RIC1: variants seen among roughly 807,000 people sequenced by gnomAD.
The protein encoded by RIC1 is RIC1 partner of RAB6A GEF complex.
In RIC1, 88 loss-of-function variants were observed where a neutral mutation model predicts 169.0. The ratio of observed to expected loss-of-function variants is 0.52; its 90% CI spans 0.44 to 0.62. The LOEUF is 0.62. Ranked by LOEUF, RIC1 falls within the 20% of genes least tolerant of loss-of-function variation. The pLI, the probability that RIC1 is intolerant of heterozygous loss-of-function variation, is 0.00. For synonymous variants in RIC1, 790 were observed against 601.5 expected (o/e 1.31, Z -4.59); for missense variants, 1,877 against 1,725.5 (o/e 1.09, Z -1.56).
At chr9:5,753,116 T>G (rs1331188562) in intron 12 of RIC1, 84 bp from the exon 13 acceptor site, 1 of 1,234,308 alleles carries the variant, frequency 8.1e-7, no homozygotes, top group African/African-American at 1.5e-5. Flanking sequence ...TTCGGCAAGA[T>G]GAATCTCATA....
chr9:5,700,544 C>T (rs1822149967), intron 3 of RIC1, among the ~76,000 whole-genome samples: 1 of 151,736 alleles, frequency 6.6e-6, no homozygotes, highest in Non-Finnish European at 1.5e-5. Context: ...GGGAATCTTA[C>T]AAATTAAATT....
In RIC1 at chr9:5,765,439, G is replaced by T; in HGVS notation, c.2867G>T (p.Arg956Met). ...AATATGGAAGTCCCTGCAGTAAGTA[G>T]GCAACATGCTACCCTTCTATTCAAC... ...LQNMEVPAVS[R>M]QHATLLFNTA... Residue 956 changes from arginine to methionine, a missense_variant, in exon 20 of 26, where the codon AGG (arginine) becomes ATG (methionine). Physicochemically the swap from Arg to Met is moderately conservative, Grantham distance 91. Transcript: ENST00000414202. 6.2e-7 allele frequency: 1 copy of T among 1,613,928 alleles called. No homozygotes were observed. Among genetic ancestry groups the T allele is most frequent in the Non-Finnish European group, 8.5e-7 (1 of 1,179,926 alleles).
At chr9:5,732,521 A>T (rs1824431989) in intron 7 of RIC1, 42 bp downstream of exon 7, 1 of 1,338,614 alleles carries the variant, frequency 7.5e-7, no homozygotes, top group African/African-American at 1.5e-5. Context: ...GAGTTGTTGC[A>T]AAAAATACTG....
chr9:5,702,412 C>T (rs540988117), intron 3 of RIC1, among the ~76,000 whole-genome samples: 1 of 152,304 alleles, frequency 6.6e-6, no homozygotes, highest in African/African-American at 2.4e-5. Context: ...AGGAAACTTA[C>T]AGTCATGACA....
Position 5,770,100 on chromosome 9 carries a change from G to A in RIC1, c.3438G>A (p.Leu1146=), listed in dbSNP as rs1315210076. 1 of 1,612,588 alleles carries A rather than the reference G, an allele frequency of 6.2e-7. No individual in the cohort carries two copies. The highest frequency in any genetic ancestry group is 1.3e-5 in the African/African-American group (1 of 74,998). Residue 1146 remains leucine, a synonymous_variant, in exon 23 of 26, where the codon CTG becomes CTA. Transcript: ENST00000414202. ...CCCACTCTGCAGTGGGAGAGCAGCT[G>A]TTAAAGTCTCAATCAGCTGACCCAT... The part of the protein sequence containing the change: ...NGKYRTVGEQ[L]LKSQSADPFL...
At chr9:5,754,043 T>TG (rs1403650053) in intron 14 of RIC1, among the ~76,000 whole-genome samples, 5 of 152,206 alleles carry the variant, frequency 3.3e-5, no homozygotes, top group African/African-American at 1.2e-4. Flanking sequence ...TGTGTATGTG[T>TG]GTGTACATAT....
At position 5,647,986 on chromosome 9, in the gene RIC1, G is replaced by GTGTGA. The variant is rs1345141731; in HGVS notation, c.145-8595_145-8594insTGATG. On this transcript the variant is annotated intron_variant, in intron 1 of 25. Coordinates refer to ENST00000414202, the MANE Select transcript of RIC1 (RefSeq NM_020829.4). ...GGTGGTGGTGGTGATGGTGGTGGTG[G>GTGTGA]TGGTGGTAGTGGTAGTGGTTTTTTC... is the stretch of plus-strand genomic sequence containing the variant. 6.9e-4 allele frequency among the ~76,000 whole-genome samples: 80 copies of GTGTGA among 116,548 alleles called. 1 individual carries two copies. Among genetic ancestry groups the GTGTGA allele is most frequent in the African/African-American group, 2.9e-3 (74 of 25,898 alleles). 76.5% of individuals were successfully genotyped at this position (116,548 alleles called of 152,430 possible). A position where few individuals can be genotyped will look rare whatever the true frequency, so the allele number is the denominator to read the frequency against.
intron 1 of RIC1, 87 bp from the exon 2 acceptor site, chr9:5,656,496 G>C (rs755584326): frequency 7.0e-5 from 40 of 575,028 alleles, no homozygotes; most frequent in Admixed American, 5.7e-4. Flanking sequence ...AAAATACTTT[G>C]AATACTCTGT....
Position 5,774,065 on chromosome 9 carries a change from G to A in RIC1, c.4091G>A (p.Gly1364Asp). The change falls in exon 26 of 26, where the codon GGT (glycine) becomes GAT (aspartate). Residue 1364 changes from glycine (G) to aspartate (D), a missense_variant. Gly to Asp is a moderately conservative substitution (Grantham distance 94). Around this residue, in one of 3 missense-constraint regions of RIC1, gnomAD observed 681 missense variants for 582.0 expected, o/e 1.17. Transcript: ENST00000414202. ...QPDAFQPITMGKTPEQTSPRA... is the reference protein window; with the variant it reads ...QPDAFQPITMDKTPEQTSPRA... ...GATGCCTTCCAACCAATAACTATGG[G>A]TAAGACTCCAGAACAGACTAGCCCC... 6.2e-7 allele frequency: 1 copy of A among 1,614,058 alleles called. No homozygotes were observed. Among genetic ancestry groups the A allele is most frequent in the Non-Finnish European group, 8.5e-7 (1 of 1,179,986 alleles).
intron 2 of RIC1, among the ~76,000 whole-genome samples, chr9:5,670,815 C>T (rs1820044767): frequency 6.6e-6 from 1 of 152,120 alleles, no homozygotes; most frequent in Admixed American, 6.5e-5. Context: ...ATAAGTCTTC[C>T]CCAATATTTG....
At chr9:5,705,919 C>T (rs1331776670) in intron 3 of RIC1, among the ~76,000 whole-genome samples, 1 of 152,158 alleles carries the variant, frequency 6.6e-6, no homozygotes, top group Non-Finnish European at 1.5e-5. Flanking sequence ...TTTTCCCCTT[C>T]ATTCTATTAA....
intron 2 of RIC1, among the ~76,000 whole-genome samples, chr9:5,685,245 A>G (rs905126565): frequency 1.1e-4 from 16 of 149,866 alleles, no homozygotes; most frequent in East Asian, 2.0e-4. Context: ...CAAGCTACCA[A>G]TGAGTTTCTT....
intron 17 of RIC1, among the ~76,000 whole-genome samples, chr9:5,758,776 C>G (rs1826163362): frequency 8.2e-6 from 1 of 121,558 alleles, no homozygotes; most frequent in Non-Finnish European, 1.6e-5. Context: ...GATGGAGTCT[C>G]ACTCTATCGC....
chr9:5,777,549 CTTAT>C (rs1335073253), downstream of RIC1, among the ~76,000 whole-genome samples: 1 of 152,034 alleles, frequency 6.6e-6, no homozygotes, highest in Non-Finnish European at 1.5e-5. Flanking sequence ...TTAAGTCCAA[CTTAT>C]TTTTTCTTTG....
intron 3 of RIC1, among the ~76,000 whole-genome samples, chr9:5,701,592 TAA>T (rs113165668): frequency 8.8e-4 from 127 of 143,680 alleles, no homozygotes; most frequent in African/African-American, 1.4e-3. Flanking sequence ...AGACTCCATT[TAA>T]AAAAAAAAAA....
At chr9:5,653,010 A>G (rs1051977755) in intron 1 of RIC1, among the ~76,000 whole-genome samples, 3 of 151,964 alleles carry the variant, frequency 2.0e-5, no homozygotes, top group Non-Finnish European at 4.4e-5. Flanking sequence ...ACATTTATTG[A>G]TTTGTCTGTG....
At chr9:5,767,537 T>A (rs1314140308) in intron 21 of RIC1, among the ~76,000 whole-genome samples, 1 of 152,116 alleles carries the variant, frequency 6.6e-6, no homozygotes, top group Admixed American at 6.5e-5. Context: ...ACTACCGTGC[T>A]TGGGCACATA....
At chr9:5,645,117 G>A (rs982405724) in intron 1 of RIC1, among the ~76,000 whole-genome samples, 1 of 151,902 alleles carries the variant, frequency 6.6e-6, no homozygotes, top group African/African-American at 2.4e-5. Context: ...ACAGTGATCT[G>A]ATCTTGGGTC....
At chr9:5,677,238 T>C (rs1051751565) in intron 2 of RIC1, among the ~76,000 whole-genome samples, 1 of 152,236 alleles carries the variant, frequency 6.6e-6, no homozygotes, top group Non-Finnish European at 1.5e-5. Flanking sequence ...TGTAGTGATA[T>C]CTCATTATAA....
Sources: allele counts gnomAD v4.1 joint callset (sites outside exome capture counted in the v4.1 genomes callset), GRCh38; gene constraint gnomAD v4.1.1; regional missense constraint gnomAD v4.1.1; transcripts MANE v1.5; gene names NCBI Gene and HGNC (gene_info 2026-07-23, HGNC 2026-07-21).